The following EYA2 variants were observed in gnomAD, a reference collection of about 807,000 sequenced individuals.
The protein encoded by EYA2 is protein phosphatase EYA2.
EYA2 carries 31 observed loss-of-function variants against 69.2 expected under a neutral mutation model. The ratio of observed to expected loss-of-function variants is 0.45; its 90% CI spans 0.34 to 0.60. The LOEUF (loss-of-function observed/expected upper bound fraction) is 0.60, where lower values mean the gene tolerates loss of function less well. EYA2 is among the 20% of genes least tolerant of loss of function. The pLI is 0.02. For missense variants in EYA2, 622 were observed against 701.2 expected, an observed-to-expected ratio of 0.89 and a Z score of 1.28; for synonymous variants, 257 against 279.4, an observed-to-expected ratio of 0.92 and a Z score of 0.80.
intron 13 of EYA2, among the ~76,000 whole-genome samples, chr20:47,180,592 A>G (rs1035357294): frequency 2.6e-4 from 40 of 152,302 alleles, no homozygotes; most frequent in African/African-American, 9.4e-4. Flanking sequence ...TGCTTTTTAT[A>G]TAAGAAAAGT....
At chr20:46,941,751 G>A (rs565940450) in intron 1 of EYA2, among the ~76,000 whole-genome samples, 1 of 151,952 alleles carries the variant, frequency 6.6e-6, no homozygotes, top group Non-Finnish European at 1.5e-5. Context: ...TGATAGACAT[G>A]GGTTCTTTTT....
intron 1 of EYA2, chr20:46,901,715 C>T (rs529833102): frequency 6.6e-6 from 1 of 152,266 alleles, no homozygotes. Context: ...GGAAGGAGCC[C>T]CGAGGAGAAT....
intron 1 of EYA2, among the ~76,000 whole-genome samples, chr20:46,938,749 A>G (rs1986025029): frequency 6.6e-6 from 1 of 152,164 alleles, no homozygotes; most frequent in Non-Finnish European, 1.5e-5. Flanking sequence ...CACTTCTGCC[A>G]TATTCTATTG....
intron 5 of EYA2, among the ~76,000 whole-genome samples, chr20:47,038,920 C>CA (rs1330162339): frequency 6.6e-6 from 1 of 151,940 alleles, no homozygotes; most frequent in African/African-American, 2.4e-5. Context: ...GAAAAACAAA[C>CA]AAAAAAACAT....
At chr20:47,162,196 G>A (rs1006774978) in intron 10 of EYA2, among the ~76,000 whole-genome samples, 6 of 152,062 alleles carry the variant, frequency 3.9e-5, no homozygotes, top group South Asian at 2.1e-4. Flanking sequence ...GAAGGCCCAC[G>A]CTAAGGTCCT....
chr20:46,972,380 TC>T (rs1302000452), intron 1 of EYA2, among the ~76,000 whole-genome samples: 1 of 152,206 alleles, frequency 6.6e-6, no homozygotes, highest in Non-Finnish European at 1.5e-5. Context: ...TTATTTGCAA[TC>T]ATTTTCAAAA....
chr20:46,994,610 A>G (rs947245197), intron 2 of EYA2, among the ~76,000 whole-genome samples: 1 of 152,090 alleles, frequency 6.6e-6, no homozygotes, highest in African/African-American at 2.4e-5. Flanking sequence ...GATTCATTTC[A>G]TCCAAACCAG....
chr20:47,170,967 C>A (rs558163912), intron 11 of EYA2, among the ~76,000 whole-genome samples: 2 of 152,248 alleles, frequency 1.3e-5, no homozygotes, highest in South Asian at 4.1e-4. Context: ...AGTGATCAGC[C>A]GGCAGATGCC....
At chr20:46,939,044 C>T (rs6018193) in intron 1 of EYA2, among the ~76,000 whole-genome samples, 10,238 of 152,134 alleles carry the variant, frequency 0.067, 1,055 homozygotes, top group African/African-American at 0.22. Flanking sequence ...AGGTTGATTG[C>T]CCTTTTGGGA....
At chr20:46,920,980 C>T (rs999611691) in intron 1 of EYA2, among the ~76,000 whole-genome samples, 2 of 152,288 alleles carry the variant, frequency 1.3e-5, no homozygotes, top group African/African-American at 4.8e-5. Context: ...CCTCATCTAA[C>T]TGCTAATCAT....
chr20:46,957,559 ACACACACACACACACACAC>A (rs1568686786), intron 1 of EYA2, among the ~76,000 whole-genome samples: 28 of 150,866 alleles, frequency 1.9e-4, no homozygotes, highest in South Asian at 2.1e-4. Context: ...ACACACACAC[ACACACACACACACACACAC>A]GAAGACAATG....
At chr20:46,986,632 A>G (rs1051745459) in intron 1 of EYA2, among the ~76,000 whole-genome samples, 51 of 152,194 alleles carry the variant, frequency 3.4e-4, no homozygotes, top group African/African-American at 1.2e-3. Flanking sequence ...CTAGCATGGC[A>G]TCAGTATCTG....
intron 2 of EYA2, chr20:46,998,029 C>G (rs1381501416): frequency 6.6e-6 from 1 of 152,510 alleles, no homozygotes; most frequent in African/African-American, 2.4e-5. Flanking sequence ...TAAAAGTACT[C>G]ATGACCACTG....
intron 1 of EYA2, among the ~76,000 whole-genome samples, chr20:46,932,252 G>T (rs561104080): frequency 4.0e-5 from 6 of 151,896 alleles, no homozygotes. Context: ...TCCACCTGGC[G>T]TACCCTCTTT....
Position 47,031,331 on chromosome 20 carries a change from A to G in EYA2, c.415+15034A>G, listed in dbSNP as rs574251562. ...AGTTGGCCGGTGCTCAGGCACCGGG[A>G]AGCCATGGGGTTCTAAAACAGGGCA... On this transcript the variant is annotated intron_variant, in intron 5 of 15. Transcript: ENST00000327619. Among the ~76,000 whole-genome samples the G allele has an allele frequency of 1.8e-4, 27 of 152,260 alleles. No individual in the cohort carries two copies. In the East Asian group the frequency reaches 4.8e-3, roughly 27 times the overall value.
intron 5 of EYA2, among the ~76,000 whole-genome samples, chr20:47,041,370 T>C (rs1409459847): frequency 1.3e-5 from 2 of 152,204 alleles, no homozygotes; most frequent in African/African-American, 4.8e-5. Flanking sequence ...TTTTAACCCA[T>C]AGCCATCCAG....
chr20:47,185,067 T>C (rs2034610198), intron 15 of EYA2, among the ~76,000 whole-genome samples: 1 of 152,036 alleles, frequency 6.6e-6, no homozygotes, highest in African/African-American at 2.4e-5. Flanking sequence ...ATCTGAGCGG[T>C]GTAAAATATG....
chr20:47,087,472 T>C (rs2000092), intron 7 of EYA2, among the ~76,000 whole-genome samples: 96,115 of 152,164 alleles, frequency 0.63, 31,297 homozygotes, highest in East Asian at 0.72. Context: ...AGTTCTGGCT[T>C]TGCCACTCAT....
rs576906313 is a variant in EYA2, at chr20:47,011,068, C to T, written c.299-5113C>T. 3.7e-4 allele frequency among the ~76,000 whole-genome samples: 57 copies of T among 152,250 alleles called. No individual in the cohort carries two copies. In the South Asian group the frequency reaches 0.01, roughly 27 times the overall value. Reference sequence around the variant, plus strand: ...CATCCCAAAGTGCTGGGATTGCAGACATGAGCCACCATGCCTGGCCTGATG... The same window carrying T: ...CATCCCAAAGTGCTGGGATTGCAGATATGAGCCACCATGCCTGGCCTGATG... On this transcript the variant is annotated intron_variant, in intron 4 of 15. Transcript: ENST00000327619.
Sources: allele counts gnomAD v4.1 joint callset (sites outside exome capture counted in the v4.1 genomes callset), GRCh38; gene constraint gnomAD v4.1.1; transcripts MANE v1.5; gene names NCBI Gene and HGNC (gene_info 2026-07-23, HGNC 2026-07-21).